The following RASA2 variants were observed in gnomAD, a reference collection of about 807,000 sequenced individuals.
The protein encoded by RASA2 is RAS p21 protein activator 2, also known as ras GTPase-activating protein 2.
RASA2 carries 155 observed loss-of-function variants against 118.2 expected under a neutral mutation model. The observed-to-expected ratio is 1.31, with a 90% CI of 1.15 to 1.50. RASA2 has a LOEUF of 1.50. RASA2 is among the 40% of genes most tolerant of loss of function. The probability of loss-of-function intolerance (pLI) is 0.00; values close to 1 mark genes in which losing one functional copy is unlikely to be tolerated. For synonymous variants in RASA2, 353 were observed against 349.1 expected, an observed-to-expected ratio of 1.01 and a Z score of -0.12; for missense variants, 1,016 against 1,009.6, an observed-to-expected ratio of 1.01 and a Z score of -0.09.
chr3:141,573,122 ATTAACTG>A lies in RASA2; in HGVS notation c.1285-24_1285-18del, dbSNP rs2151131411. ...TTGTCAGACTACTTAGAAAAAAATC[ATTAACTG>A]AAAAATTTATTTTTCAGATATGTGA... is the stretch of plus-strand genomic sequence containing the variant. On this transcript the variant is annotated intron_variant, in intron 12 of 23. Transcript: ENST00000286364. The A allele has an allele frequency of 6.5e-7, 1 of 1,536,254 alleles. No homozygotes were observed. The highest frequency in any genetic ancestry group is 2.4e-5 in the East Asian group (1 of 41,574).
chr3:141,598,349 C>A (rs2083407963), intron 19 of RASA2, among the ~76,000 whole-genome samples: 1 of 152,124 alleles, frequency 6.6e-6, no homozygotes. Context: ...GAGAACTAAT[C>A]AACATAATTT....
chr3:141,517,911 T>C (rs536504207), intron 3 of RASA2, among the ~76,000 whole-genome samples: 22 of 152,024 alleles, frequency 1.4e-4, no homozygotes, highest in African/African-American at 5.3e-4. Flanking sequence ...CACCTCGGCC[T>C]CCCAAAGTGC....
chr3:141,597,228 C>T (rs930056212), intron 19 of RASA2, among the ~76,000 whole-genome samples: 1 of 152,080 alleles, frequency 6.6e-6, no homozygotes, highest in African/African-American at 2.4e-5. Context: ...TGGTGAAACC[C>T]TGTCTCTACA....
At chr3:141,505,788 G>A (rs1252502026) in intron 1 of RASA2, among the ~76,000 whole-genome samples, 1 of 152,100 alleles carries the variant, frequency 6.6e-6, no homozygotes, top group African/African-American at 2.4e-5. Context: ...GTGTGTGTGT[G>A]TGTGTACGTA....
At chr3:141,582,862 C>T (rs184426925) in intron 17 of RASA2, among the ~76,000 whole-genome samples, 70 of 152,312 alleles carry the variant, frequency 4.6e-4, no homozygotes, top group Non-Finnish European at 8.5e-4. Context: ...ATAACTGAAT[C>T]ATATGCTATT....
At chr3:141,498,784 C>G (rs1045364070) in intron 1 of RASA2, among the ~76,000 whole-genome samples, 5 of 152,120 alleles carry the variant, frequency 3.3e-5, no homozygotes, top group African/African-American at 9.7e-5. Context: ...GGCTTTTTGC[C>G]TTCCTTTTGT....
intron 1 of RASA2, among the ~76,000 whole-genome samples, chr3:141,489,565 G>A (rs1471503581): frequency 6.6e-6 from 1 of 152,168 alleles, no homozygotes; most frequent in Non-Finnish European, 1.5e-5. Context: ...GAGATGTGCT[G>A]GCAGATTTTA....
intron 9 of RASA2, among the ~76,000 whole-genome samples, chr3:141,566,935 T>C (rs1009265573): frequency 3.3e-5 from 5 of 152,154 alleles, no homozygotes; most frequent in Non-Finnish European, 7.4e-5. Flanking sequence ...TTCTGACCTA[T>C]CTACTGAAAA....
chr3:141,590,462 G>A (rs9833121), intron 19 of RASA2, among the ~76,000 whole-genome samples: 38,344 of 152,134 alleles, frequency 0.25, 5,435 homozygotes, highest in Non-Finnish European at 0.32. Context: ...CTATAAGTGA[G>A]GATGCAAGTG....
At chr3:141,608,962 G>A (rs2083593293) in intron 21 of RASA2, among the ~76,000 whole-genome samples, 1 of 152,164 alleles carries the variant, frequency 6.6e-6, no homozygotes, top group Non-Finnish European at 1.5e-5. Context: ...GGAGGAATGG[G>A]GAGTGCTATT....
At chr3:141,610,355 T>G (rs2083620639) in intron 23 of RASA2, among the ~76,000 whole-genome samples, 1 of 124,530 alleles carries the variant, frequency 8.0e-6, no homozygotes, top group East Asian at 2.3e-4. Context: ...ATATTTATAT[T>G]TATATATTAT....
At chr3:141,521,880 T>C (rs926172238) in intron 3 of RASA2, among the ~76,000 whole-genome samples, 1 of 151,404 alleles carries the variant, frequency 6.6e-6, no homozygotes, top group Non-Finnish European at 1.5e-5. Flanking sequence ...TTTTCTTTTG[T>C]CATTAACACA....
chr3:141,531,887 A>AAATCATCCC (rs932058755), intron 4 of RASA2, among the ~76,000 whole-genome samples: 9 of 152,030 alleles, frequency 5.9e-5, no homozygotes, highest in Non-Finnish European at 1.2e-4. Flanking sequence ...AAAAGATAGA[A>AAATCATCCC]AATCATCCCA....
intron 7 of RASA2, among the ~76,000 whole-genome samples, chr3:141,556,379 G>C (rs80073246): frequency 1.3e-5 from 2 of 151,808 alleles, no homozygotes; most frequent in Non-Finnish European, 1.5e-5. Context: ...AGGGAAACTA[G>C]CAGCACTACC....
Position 141,583,663 on chromosome 3 carries a change from C to T in RASA2, c.1753-2362C>T, listed in dbSNP as rs147119485. 2.0e-5 allele frequency among the ~76,000 whole-genome samples: 3 copies of T among 152,224 alleles called. No homozygotes were observed. In the East Asian group the frequency reaches 5.8e-4, roughly 29 times the overall value. The stretch of plus-strand genomic sequence containing the variant: ...TTGTTCTTTCACTTACCAATATTTT[C>T]TCCCAGCAAACAGAAGTAAACATTC... On this transcript the variant is annotated intron_variant, in intron 17 of 23. Transcript: ENST00000286364.
intron 15 of RASA2, 109 bp downstream of exon 15, chr3:141,577,215 T>C (rs1442879009): frequency 1.3e-6 from 1 of 749,564 alleles, no homozygotes; most frequent in African/African-American, 1.8e-5. Flanking sequence ...TTATAACTGA[T>C]ACTTAAATTT....
intron 17 of RASA2, among the ~76,000 whole-genome samples, chr3:141,583,762 A>G (rs903536309): frequency 1.3e-4 from 20 of 152,218 alleles, no homozygotes; most frequent in African/African-American, 4.3e-4. Flanking sequence ...GGCTGTGCCT[A>G]CAAATTCCAC....
At chr3:141,543,038 A>G (rs900860202) in intron 5 of RASA2, among the ~76,000 whole-genome samples, 2 of 151,860 alleles carry the variant, frequency 1.3e-5, no homozygotes, top group Non-Finnish European at 2.9e-5. Context: ...TTTTAATGTA[A>G]TTATTGAATA....
intron 17 of RASA2, among the ~76,000 whole-genome samples, chr3:141,583,166 G>T (rs1203967375): frequency 2.6e-5 from 4 of 152,164 alleles, no homozygotes; most frequent in Non-Finnish European, 5.9e-5. Flanking sequence ...GCTCATGCCT[G>T]TAATCCCAGC....
Sources: gnomAD v4.1 joint callset for allele counts (sites outside exome capture counted in the v4.1 genomes callset) on GRCh38, gnomAD v4.1.1 for gene constraint, MANE v1.5 for transcripts, NCBI Gene and HGNC (gene_info 2026-07-23, HGNC 2026-07-21) for gene names.